VPS13B: variants seen among roughly 807,000 people sequenced by gnomAD.
VPS13B encodes intermembrane lipid transfer protein VPS13B.
Under a neutral mutation model 426.4 loss-of-function variants are expected in VPS13B, and 285 were observed. The ratio of observed to expected loss-of-function variants is 0.67; its 90% CI spans 0.61 to 0.74. The LOEUF (loss-of-function observed/expected upper bound fraction) is 0.74, where lower values mean the gene tolerates loss of function less well. Among genes scored for constraint, VPS13B ranks in the 30% least tolerant of loss-of-function variants. The pLI, the probability that VPS13B is intolerant of heterozygous loss-of-function variation, is 0.00. For missense variants in VPS13B, 4,537 were observed against 4,782.6 expected (o/e 0.95, Z 1.51); for synonymous variants, 1,676 against 1,676.4 (o/e 1.00, Z 0.01).
At chr8:99,351,419 A>G (rs1563682525) in intron 19 of VPS13B, among the ~76,000 whole-genome samples, 2 of 135,972 alleles carry the variant, frequency 1.5e-5, no homozygotes, top group African/African-American at 5.5e-5. Flanking sequence ...TCCTTCCTCA[A>G]GAGAGAGAGA....
intron 51 of VPS13B, among the ~76,000 whole-genome samples, chr8:99,830,270 G>A (rs761507840): frequency 1.3e-5 from 2 of 152,228 alleles, no homozygotes; most frequent in African/African-American, 4.8e-5. Flanking sequence ...GACTAGGGCT[G>A]CTGCCTTTCT....
intron 17 of VPS13B, among the ~76,000 whole-genome samples, chr8:99,243,762 A>G (rs973721463): frequency 6.6e-6 from 1 of 152,188 alleles, no homozygotes; most frequent in Non-Finnish European, 1.5e-5. Context: ...TGCTGCCGCC[A>G]CTGCAGGTTG....
intron 39 of VPS13B, among the ~76,000 whole-genome samples, chr8:99,753,612 C>T (rs1810501914): frequency 6.6e-6 from 1 of 152,130 alleles, no homozygotes; most frequent in African/African-American, 2.4e-5. Flanking sequence ...ATATTACACA[C>T]CTGCATTTGC....
At chr8:99,725,185 C>T (rs188086612) in intron 39 of VPS13B, among the ~76,000 whole-genome samples, 1 of 152,332 alleles carries the variant, frequency 6.6e-6, no homozygotes, top group African/African-American at 2.4e-5. Flanking sequence ...GTATTCCTCA[C>T]ACTTGAACTT....
chr8:99,596,221 T>G (rs1827005195), intron 33 of VPS13B, among the ~76,000 whole-genome samples: 1 of 151,830 alleles, frequency 6.6e-6, no homozygotes, highest in Non-Finnish European at 1.5e-5. Flanking sequence ...AACTATCATG[T>G]TTTGGGTTAC....
chr8:99,793,212 TTA>T (rs373730179), intron 43 of VPS13B, among the ~76,000 whole-genome samples: 5 of 125,636 alleles, frequency 4.0e-5, no homozygotes, highest in African/African-American at 6.0e-5. Context: ...GCCAAAAAAT[TTA>T]TATATATATA....
chr8:99,871,128 T>C (rs776506128), intron 60 of VPS13B: 98 of 599,832 alleles, frequency 1.6e-4, no homozygotes, highest in Non-Finnish European at 2.2e-4. Context: ...AGGTCATACA[T>C]TGGCAGAGAA....
chr8:99,305,005 C>T (rs750852076), intron 19 of VPS13B, among the ~76,000 whole-genome samples: 6 of 152,096 alleles, frequency 3.9e-5, no homozygotes, highest in South Asian at 2.1e-4. Context: ...ATGAAAATGC[C>T]ATTCTCTTAC....
intron 17 of VPS13B, among the ~76,000 whole-genome samples, chr8:99,252,128 C>T (rs1307602924): frequency 6.6e-6 from 1 of 151,604 alleles, no homozygotes; most frequent in Non-Finnish European, 1.5e-5. Flanking sequence ...TTTTATTTTG[C>T]TTTCCATGTT....
chr8:99,019,983 G>A (rs770771285), intron 2 of VPS13B, among the ~76,000 whole-genome samples: 3 of 152,144 alleles, frequency 2.0e-5, no homozygotes, highest in Non-Finnish European at 4.4e-5. Flanking sequence ...ATTTATTTGG[G>A]TATATACCCA....
At chr8:99,644,069 A>G (rs1214480227) in intron 34 of VPS13B, among the ~76,000 whole-genome samples, 1 of 152,190 alleles carries the variant, frequency 6.6e-6, no homozygotes, top group Non-Finnish European at 1.5e-5. Context: ...CGTACTAAAA[A>G]TCATCAGGAG....
Position 99,038,483 on chromosome 8 carries a change from C to T in VPS13B, c.208C>T (p.Pro70Ser), listed in dbSNP as rs765975694. The change falls in exon 3 of 62, where the codon CCA becomes TCA. Residue 70 changes from proline to serine, a missense_variant. By Grantham distance (74) the Pro-to-Ser change is moderately conservative. Around this residue, in one of 2 missense-constraint regions of VPS13B, gnomAD observed 226 missense variants for 308.3 expected, o/e 0.73. Transcript: ENST00000357162. ...GHIHELRIHV[P>S]WTKLGSEPVV... ...TATTCATGAATTGAGGATTCATGTACCATGGACAAAACTGGGTTCAGAACC... is the reference window on the plus strand; with the variant it reads ...TATTCATGAATTGAGGATTCATGTATCATGGACAAAACTGGGTTCAGAACC... 5.6e-6 allele frequency: 9 copies of T among 1,612,040 alleles called. No individual in the cohort carries two copies. The highest frequency in any genetic ancestry group is 7.6e-6 in the Non-Finnish European group (9 of 1,178,848).
chr8:99,167,492 A>G (rs112965307), intron 15 of VPS13B, among the ~76,000 whole-genome samples: 202 of 152,062 alleles, frequency 1.3e-3, no homozygotes, highest in African/African-American at 4.6e-3. Flanking sequence ...CATAATTATA[A>G]TGTTTTTATT....
At chr8:99,170,369 T>G (rs1367455715) in intron 16 of VPS13B, among the ~76,000 whole-genome samples, 6 of 152,056 alleles carry the variant, frequency 3.9e-5, no homozygotes, top group African/African-American at 1.4e-4. Context: ...GTGATAGCAA[T>G]AACTGTTATT....
chr8:99,690,246 A>T (rs1563864678), intron 35 of VPS13B, among the ~76,000 whole-genome samples: 2 of 152,228 alleles, frequency 1.3e-5, no homozygotes, highest in African/African-American at 2.4e-5. Context: ...CTAGATATCC[A>T]CACATAAAAG....
chr8:99,369,523 C>T (rs897588761), intron 19 of VPS13B, among the ~76,000 whole-genome samples: 6 of 150,146 alleles, frequency 4.0e-5, no homozygotes, highest in Non-Finnish European at 7.4e-5. Context: ...TGGTGGAAGC[C>T]CACACAGAAC....
At chr8:99,334,370 G>A (rs1180340561) in intron 19 of VPS13B, among the ~76,000 whole-genome samples, 3 of 151,964 alleles carry the variant, frequency 2.0e-5, no homozygotes, top group Admixed American at 6.6e-5. Flanking sequence ...CCTTTGTGAA[G>A]TGTCTTAAAA....
chr8:99,628,812 T>G (rs1249351747), intron 33 of VPS13B, among the ~76,000 whole-genome samples: 2 of 152,006 alleles, frequency 1.3e-5, no homozygotes, highest in Non-Finnish European at 2.9e-5. Flanking sequence ...GGATCTCGCT[T>G]TGTCACCTAG....
At position 99,586,900 on chromosome 8, in the gene VPS13B, C is replaced by T. The variant is rs538470516; in HGVS notation, c.5220+9267C>T. 4.6e-5 allele frequency among the ~76,000 whole-genome samples: 7 copies of T among 152,246 alleles called. No homozygotes were observed. The South Asian group carries it at 1.5e-3, about 32-fold the overall frequency. On this transcript the variant is annotated intron_variant, in intron 33 of 61. Transcript: ENST00000357162. ...CATGCAGGTTTCTTACATATGTATA[C>T]ATGTGCCGTGTTGGTTTGCTGCACG...
Sources: gnomAD v4.1 joint callset for allele counts (sites outside exome capture counted in the v4.1 genomes callset) on GRCh38, gnomAD v4.1.1 for gene constraint, gnomAD v4.1.1 regional missense constraint, MANE v1.5 for transcripts, NCBI Gene and HGNC (gene_info 2026-07-23, HGNC 2026-07-21) for gene names.